SLC35A5: variants seen among roughly 807,000 people sequenced by gnomAD.
The protein encoded by SLC35A5 is UDP-sugar transporter protein SLC35A5.
A neutral mutation model predicts 36.3 loss-of-function variants in SLC35A5; 28 were observed. That is an observed-to-expected ratio of 0.77 (90% CI 0.57 to 1.06). The LOEUF (loss-of-function observed/expected upper bound fraction) is 1.06, where lower values mean the gene tolerates loss of function less well. SLC35A5 is among the 50% of genes least tolerant of loss of function. The pLI, the probability that SLC35A5 is intolerant of heterozygous loss-of-function variation, is 0.00. For synonymous variants in SLC35A5, 180 were observed against 173.7 expected (o/e 1.04, Z -0.29); for missense variants, 521 against 499.3 (o/e 1.04, Z -0.41).
At chr3:112,573,236 A>G (rs747571947) in intron 4 of SLC35A5, among the ~76,000 whole-genome samples, 12 of 152,210 alleles carry the variant, frequency 7.9e-5, no homozygotes, top group Admixed American at 2.6e-4. Flanking sequence ...ATGGGCAGCA[A>G]TGATGGAATT....
At chr3:112,564,090 G>A (rs1934077661) in intron 2 of SLC35A5, 1 of 152,144 alleles carries the variant, frequency 6.6e-6, no homozygotes, top group Non-Finnish European at 1.5e-5. Context: ...TGAAGGGGTG[G>A]GTTGCCCCTC....
chr3:112,566,600 CAT>C (rs1362866579), intron 2 of SLC35A5, among the ~76,000 whole-genome samples: 1 of 152,064 alleles, frequency 6.6e-6, no homozygotes, highest in Non-Finnish European at 1.5e-5. Context: ...ACTAAATGCA[CAT>C]GACTCATAGA....
rs1413501123 is a variant in SLC35A5 at position 112,573,970 on chromosome 3, T to C, written c.428+14T>C. 6 of 1,599,836 alleles carry C rather than the reference T, an allele frequency of 3.8e-6. No homozygotes were observed. The highest frequency in any genetic ancestry group is 3.3e-5 in the Admixed American group (2 of 59,936). Reference sequence around the variant, plus strand: ...GATAGTGCTGAAGTAAGTAACTTGCTGTGAAAACATATATCATACTTTAAA... The same window carrying C: ...GATAGTGCTGAAGTAAGTAACTTGCCGTGAAAACATATATCATACTTTAAA... On this transcript the variant is annotated intron_variant, in intron 5 of 6. Transcript: ENST00000492406.
chr3:112,563,593 GC>G, intron 2 of SLC35A5, 60 bp downstream of exon 2: 5 of 1,467,400 alleles, frequency 3.4e-6, no homozygotes, highest in Non-Finnish European at 4.6e-6. Flanking sequence ...TCTCTCTCTT[GC>G]CTTTGGTTCT....
At chr3:112,562,367 A>T (rs1234437220) in intron 1 of SLC35A5, 94 bp downstream of exon 1, 1 of 152,300 alleles carries the variant, frequency 6.6e-6, no homozygotes, top group Non-Finnish European at 1.5e-5. Context: ...CTAGAAGGGT[A>T]GTCCCTGACT....
intron 2 of SLC35A5, among the ~76,000 whole-genome samples, chr3:112,568,023 A>C (rs1318457882): frequency 6.6e-6 from 1 of 152,188 alleles, no homozygotes; most frequent in Non-Finnish European, 1.5e-5. Context: ...CAGATATTTA[A>C]ATTCAGGTGA....
chr3:112,570,856 G>A (rs1218289909), intron 4 of SLC35A5, among the ~76,000 whole-genome samples, 186 bp downstream of exon 4: 1 of 152,022 alleles, frequency 6.6e-6, no homozygotes, highest in Non-Finnish European at 1.5e-5. Context: ...CTCTTAAATG[G>A]TCAAGATTAC....
chr3:112,565,364 TAGA>T (rs1415254281), intron 2 of SLC35A5, among the ~76,000 whole-genome samples: 6 of 152,290 alleles, frequency 3.9e-5, no homozygotes, highest in Non-Finnish European at 7.3e-5. Context: ...GTTGATCCAC[TAGA>T]AGTCAAGGTG....
rs761157849 is a variant in SLC35A5 at position 112,563,429 on chromosome 3, C to A, written c.26C>A (p.Pro9His). MEKQCCSHPVICSLSTMYT... is the reference protein window; with the variant it reads MEKQCCSHHVICSLSTMYT... Reference sequence around the variant, plus strand: ...ATGGAAAAACAGTGCTGTAGTCATCCTGTAATATGCTCCTTGTCAACAATG... The same window carrying A: ...ATGGAAAAACAGTGCTGTAGTCATCATGTAATATGCTCCTTGTCAACAATG... Residue 9 changes from proline (P) to histidine (H), a missense_variant, in exon 2 of 7, where the codon CCT (proline) becomes CAT (histidine). Physicochemically the swap from Pro to His is moderately conservative, Grantham distance 77 (BLOSUM62 -2). Transcript: ENST00000492406. 9.5e-6 allele frequency: 15 copies of A among 1,577,760 alleles called. No individual in the cohort carries two copies. In the African/African-American group the frequency reaches 1.7e-4, roughly 18 times the overall value.
chr3:112,569,494 C>T (rs1934344041), intron 3 of SLC35A5, among the ~76,000 whole-genome samples: 1 of 152,240 alleles, frequency 6.6e-6, no homozygotes, highest in African/African-American at 2.4e-5. Flanking sequence ...CTCATGTTTC[C>T]TAATGCCCTT....
chr3:112,579,190 T>C (rs1010398981), intron 5 of SLC35A5, among the ~76,000 whole-genome samples: 2 of 152,196 alleles, frequency 1.3e-5, no homozygotes, highest in African/African-American at 4.8e-5. Flanking sequence ...GGTGTGATGA[T>C]GCAGAAGGAA....
At chr3:112,573,177 C>T (rs1934523202) in intron 4 of SLC35A5, among the ~76,000 whole-genome samples, 1 of 152,070 alleles carries the variant, frequency 6.6e-6, no homozygotes, top group Admixed American at 6.6e-5. Flanking sequence ...GGGTGAAGTA[C>T]ATCCTAAGAT....
At position 112,585,147 on chromosome 3, in the gene SLC35A5, A is replaced by G. The variant is rs1477683224; in HGVS notation, c.*2411A>G. On this transcript the variant is annotated 3_prime_UTR_variant, in exon 7 of 7. Transcript: ENST00000492406. ...CTGGGGAGGAGGCCTCAGGAAACTC[A>G]CAAGCATGGCTGAAGGCGAAACAGA... is the stretch of plus-strand genomic sequence containing the variant. The G allele has an allele frequency of 6.6e-6, 1 of 150,896 alleles. No homozygotes were observed. Among genetic ancestry groups the G allele is most frequent in the Non-Finnish European group, 1.5e-5 (1 of 68,042 alleles). The allele number at this position is 150,896 out of a possible 1,614,324, so 9.3% of individuals were successfully genotyped here.
Position 112,580,807 on chromosome 3 carries a change from C to T in SLC35A5, c.690C>T (p.Gly230=). ...GAGTTTTCAGTCACATCCGTCTTGG[C>T]ATGGGCCATGTTCTTATTATAGTCC... ...TARVFSHIRL[G]MGHVLIIVQC... The change falls in exon 6 of 7, where the codon GGC becomes GGT. Residue 230 remains glycine, a synonymous_variant. Transcript: ENST00000492406. 6.2e-7 allele frequency: 1 copy of T among 1,614,196 alleles called. No individual in the cohort carries two copies. The highest frequency in any genetic ancestry group is 8.5e-7 in the Non-Finnish European group (1 of 1,180,010).
At chr3:112,567,186 A>G (rs1934234924) in intron 2 of SLC35A5, among the ~76,000 whole-genome samples, 1 of 149,372 alleles carries the variant, frequency 6.7e-6, no homozygotes, top group Admixed American at 6.7e-5. Flanking sequence ...AGATCACGCC[A>G]TTGCACTCCA....
intron 5 of SLC35A5, among the ~76,000 whole-genome samples, chr3:112,580,328 T>G (rs1256810536): frequency 1.3e-5 from 2 of 152,164 alleles, no homozygotes; most frequent in Non-Finnish European, 2.9e-5. Context: ...GGAAATGACT[T>G]GAGCAGCCTT....
rs773504560 is a variant in SLC35A5 at position 112,563,428 on chromosome 3, C to T, written c.25C>T (p.Pro9Ser). The change falls in exon 2 of 7, where the codon CCT becomes TCT. Residue 9 changes from proline to serine, a missense_variant. Transcript: ENST00000492406. ...AATGGAAAAACAGTGCTGTAGTCATCCTGTAATATGCTCCTTGTCAACAAT... is the reference window on the plus strand; with the variant it reads ...AATGGAAAAACAGTGCTGTAGTCATTCTGTAATATGCTCCTTGTCAACAAT... MEKQCCSH[P>S]VICSLSTMYT... The T allele has an allele frequency of 1.9e-6, 3 of 1,577,070 alleles. No homozygotes were observed. The highest frequency in any genetic ancestry group is 2.6e-6 in the Non-Finnish European group (3 of 1,152,728).
chr3:112,563,017 G>T (rs947198623), intron 1 of SLC35A5, among the ~76,000 whole-genome samples: 1 of 152,182 alleles, frequency 6.6e-6, no homozygotes, highest in Admixed American at 6.5e-5. Context: ...CCAAGACCGC[G>T]CCGTTGCACT....
intron 1 of SLC35A5, among the ~76,000 whole-genome samples, chr3:112,562,615 T>TTTTTG (rs1933974168): frequency 6.6e-6 from 1 of 152,258 alleles, no homozygotes; most frequent in African/African-American, 2.4e-5. Context: ...AAACACTAAC[T>TTTTTG]AGTTCAGTAA....
Sources: gnomAD v4.1 joint callset for allele counts (sites outside exome capture counted in the v4.1 genomes callset) on GRCh38, gnomAD v4.1.1 for gene constraint, MANE v1.5 for transcripts, NCBI Gene and HGNC (gene_info 2026-07-23, HGNC 2026-07-21) for gene names.